The following MEIS1 variants were observed in gnomAD, a reference collection of about 807,000 sequenced individuals.
MEIS1 encodes the protein Meis homeobox 1.
Under a neutral mutation model 50.8 loss-of-function variants are expected in MEIS1, and 5 were observed. The ratio of observed to expected loss-of-function variants is 0.10; its 90% CI spans 0.05 to 0.21. The LOEUF is 0.21. MEIS1 is among the 10% of genes least tolerant of loss of function. The pLI is 1.00. For synonymous variants in MEIS1, 176 were observed against 179.3 expected, an observed-to-expected ratio of 0.98 and a Z score of 0.15; for missense variants, 318 against 517.3, an observed-to-expected ratio of 0.61 and a Z score of 3.74.
At chr2:66,546,172 T>C (rs1453699411) in intron 8 of MEIS1, among the ~76,000 whole-genome samples, 1 of 152,032 alleles carries the variant, frequency 6.6e-6, no homozygotes, top group Admixed American at 6.6e-5. Context: ...AAAAGATGAA[T>C]GTGAGCGTGA....
At chr2:66,450,076 A>G (rs1241797892) in intron 6 of MEIS1, among the ~76,000 whole-genome samples, 1 of 152,196 alleles carries the variant, frequency 6.6e-6, no homozygotes, top group African/African-American at 2.4e-5. Context: ...AATTATAGCT[A>G]TATATGTTTT....
intron 9 of MEIS1, among the ~76,000 whole-genome samples, chr2:66,555,283 C>CTCTCTCTCTCTG (rs1675031017): frequency 8.0e-6 from 1 of 124,260 alleles, no homozygotes; most frequent in Non-Finnish European, 1.7e-5. Context: ...TCTCTCTCGT[C>CTCTCTCTCTCTG]TCTCTCCACC....
rs995718096 is a variant in MEIS1 at position 66,554,610 on chromosome 2, G to A, written c.965+6591G>A. On this transcript the variant is annotated intron_variant, in intron 9 of 12. Coordinates refer to ENST00000272369, the MANE Select transcript of MEIS1 (RefSeq NM_002398.3). ...TCATCCCTACTCCTTGGATTTGGGC[G>A]ACAGTGTCCTCTGGTTTAAAATGGA... 7.2e-5 allele frequency among the ~76,000 whole-genome samples: 11 copies of A among 152,302 alleles called. No individual in the cohort carries two copies. The East Asian group carries it at 1.5e-3, about 21-fold the overall frequency.
intron 8 of MEIS1, among the ~76,000 whole-genome samples, chr2:66,517,938 T>G (rs1353036543): frequency 6.6e-6 from 1 of 152,184 alleles, no homozygotes. Flanking sequence ...CCCAGAAGAA[T>G]CGGAGTTAAT....
At chr2:66,524,537 C>T (rs763733863) in intron 8 of MEIS1, among the ~76,000 whole-genome samples, 16 of 150,776 alleles carry the variant, frequency 1.1e-4, no homozygotes, top group African/African-American at 3.4e-4. Flanking sequence ...CCAGCCTGGG[C>T]GACAGAGTGG....
At chr2:66,475,137 C>CAT (rs3086707) in intron 7 of MEIS1, among the ~76,000 whole-genome samples, 74 of 144,236 alleles carry the variant, frequency 5.1e-4, no homozygotes, top group Admixed American at 2.0e-3. Context: ...TATATATACA[C>CAT]ATATATATAT....
chr2:66,524,074 TA>T (rs1388453954), intron 8 of MEIS1, among the ~76,000 whole-genome samples: 1 of 152,194 alleles, frequency 6.6e-6, no homozygotes, highest in Non-Finnish European at 1.5e-5. Context: ...AAAATGAGGT[TA>T]AAGTTATTAT....
At chr2:66,519,805 A>T (rs906638678) in intron 8 of MEIS1, among the ~76,000 whole-genome samples, 1 of 152,184 alleles carries the variant, frequency 6.6e-6, no homozygotes, top group Non-Finnish European at 1.5e-5. Context: ...TGTTTTTAGA[A>T]ATATTCTGAA....
At chr2:66,444,699 A>T (rs1672086308) in intron 6 of MEIS1, among the ~76,000 whole-genome samples, 1 of 152,204 alleles carries the variant, frequency 6.6e-6, no homozygotes, top group African/African-American at 2.4e-5. Context: ...TCAGCCCGCC[A>T]GCCCTGGCCC....
chr2:66,473,397 A>AAAAAATAT, intron 7 of MEIS1, among the ~76,000 whole-genome samples: 1 of 107,612 alleles, frequency 9.3e-6, no homozygotes, highest in African/African-American at 5.8e-5. Context: ...AAAAAAAAAA[A>AAAAAATAT]ATATATATAT....
At chr2:66,507,411 A>T (rs1572863461) in intron 7 of MEIS1, among the ~76,000 whole-genome samples, 1 of 152,298 alleles carries the variant, frequency 6.6e-6, no homozygotes, top group African/African-American at 2.4e-5. Flanking sequence ...GCTTCTAGAA[A>T]AACAAGGGGG....
intron 6 of MEIS1, among the ~76,000 whole-genome samples, chr2:66,460,320 T>C (rs2103735403): frequency 6.6e-6 from 1 of 152,256 alleles, no homozygotes; most frequent in East Asian, 1.9e-4. Context: ...TCTTTCTATT[T>C]TACTACCAGA....
chr2:66,463,372 G>C (rs1198582324), intron 6 of MEIS1, among the ~76,000 whole-genome samples: 2 of 152,122 alleles, frequency 1.3e-5, no homozygotes, highest in Non-Finnish European at 2.9e-5. Context: ...TGGTGATAAA[G>C]AGAGATTTGG....
chr2:66,558,279 C>CAAAAAAAAAAAAA (rs59017279), intron 9 of MEIS1, among the ~76,000 whole-genome samples: 125 of 57,070 alleles, frequency 2.2e-3, no homozygotes, highest in African/African-American at 2.7e-3. Context: ...AACTCCATCT[C>CAAAAAAAAAAAAA]AAAAAAAAAA....
chr2:66,543,591 T>C (rs1271571991), intron 8 of MEIS1, among the ~76,000 whole-genome samples: 1 of 152,202 alleles, frequency 6.6e-6, no homozygotes, highest in Non-Finnish European at 1.5e-5. Context: ...CACTGTTTTA[T>C]GGCTTTCACT....
chr2:66,472,974 T>A (rs1490166591), intron 7 of MEIS1, among the ~76,000 whole-genome samples: 1 of 152,116 alleles, frequency 6.6e-6, no homozygotes, highest in Non-Finnish European at 1.5e-5. Flanking sequence ...ATGGATACCT[T>A]ATCAGAGTAA....
chr2:66,461,826 G>T (rs1351610611), intron 6 of MEIS1: 26 of 468,794 alleles, frequency 5.5e-5, no homozygotes, highest in Non-Finnish European at 2.2e-5. Flanking sequence ...AGAATTTCCA[G>T]CAAGGAAAAT....
At chr2:66,464,552 C>G (rs1573147899) in intron 7 of MEIS1, among the ~76,000 whole-genome samples, 1 of 152,308 alleles carries the variant, frequency 6.6e-6, no homozygotes, top group South Asian at 2.1e-4. Flanking sequence ...TACTTGCCCT[C>G]AGAGGCTTTT....
At chr2:66,567,548 A>G (rs368702205) in intron 10 of MEIS1, 37 bp downstream of exon 10, 137 of 1,603,222 alleles carry the variant, frequency 8.5e-5, no homozygotes, top group Non-Finnish European at 1.1e-4. Flanking sequence ...AAGTCACGCA[A>G]GCGAAAACCA....
Sources: allele counts gnomAD v4.1 joint callset (sites outside exome capture counted in the v4.1 genomes callset), GRCh38; gene constraint gnomAD v4.1.1; transcripts MANE v1.5; gene names NCBI Gene and HGNC (gene_info 2026-07-23, HGNC 2026-07-21).